The following RANBP2 variants were observed in gnomAD, a reference collection of about 807,000 sequenced individuals.
RANBP2 encodes the protein E3 SUMO-protein ligase RanBP2.
In RANBP2, 57 loss-of-function variants were observed where a neutral mutation model predicts 303.6. The ratio of observed to expected loss-of-function variants is 0.19; its 90% confidence interval spans 0.15 to 0.23. RANBP2 has a LOEUF of 0.23. Among genes scored for constraint, RANBP2 ranks in the 10% least tolerant of loss-of-function variants. The pLI is 1.00. For synonymous variants in RANBP2, 1,167 were observed against 1,301.5 expected (o/e 0.90, Z 2.23); for missense variants, 3,138 against 3,780.8 (o/e 0.83, Z 4.46).
chr2:108,895,487 T>A, the RANBP2 span: 23 of 152,400 alleles, frequency 1.5e-4, no homozygotes, highest in African/African-American at 5.3e-4. Context: ...TTATTAACTT[T>A]CTGCCTATAA....
the RANBP2 span, among the ~76,000 whole-genome samples, chr2:108,835,039 A>C: frequency 2.0e-5 from 3 of 152,360 alleles, no homozygotes; most frequent in East Asian, 5.8e-4. Context: ...TTGAGATTCA[A>C]ATAATGCTGC....
At chr2:109,083,567 G>A in the RANBP2 span, among the ~76,000 whole-genome samples, 6 of 151,926 alleles carry the variant, frequency 3.9e-5, no homozygotes, top group South Asian at 2.1e-4. Flanking sequence ...ATGCACACTC[G>A]GCTTGCTTCT....
At chr2:109,572,682 T>C in the RANBP2 span, among the ~76,000 whole-genome samples, 1 of 143,406 alleles carries the variant, frequency 7.0e-6, no homozygotes, top group African/African-American at 2.6e-5. Context: ...AGTGGTGCAA[T>C]CTCGGATTAC....
the RANBP2 span, among the ~76,000 whole-genome samples, chr2:109,342,043 T>C: frequency 6.6e-6 from 1 of 152,198 alleles, no homozygotes; most frequent in East Asian, 1.9e-4. Flanking sequence ...TATGGACGAA[T>C]GTGTTCATCT....
At chr2:109,059,077 G>A in the RANBP2 span, among the ~76,000 whole-genome samples, 25 of 152,164 alleles carry the variant, frequency 1.6e-4, no homozygotes, top group Middle Eastern at 3.4e-3. Context: ...TGCCACCTCC[G>A]GGCCTTATCG....
the RANBP2 span, among the ~76,000 whole-genome samples, chr2:109,050,849 G>C: frequency 1.3e-5 from 2 of 151,984 alleles, no homozygotes; most frequent in Admixed American, 6.6e-5. Context: ...CACTACAAAA[G>C]GGGACCACGT....
chr2:109,737,229 A>G, the RANBP2 span: 2 of 837,564 alleles, frequency 2.4e-6, no homozygotes, highest in Non-Finnish European at 4.0e-6. Flanking sequence ...TGCACAACCA[A>G]TCACGAAGAT....
chr2:109,206,490 C>CAAAAAAAAAA, the RANBP2 span, among the ~76,000 whole-genome samples: 11 of 40,756 alleles, frequency 2.7e-4, no homozygotes, highest in African/African-American at 8.9e-4. Context: ...GACTCCGTCT[C>CAAAAAAAAAA]AAAAAAAAAA....
the RANBP2 span, chr2:109,613,585 A>G: frequency 3.6e-6 from 1 of 274,440 alleles, no homozygotes; most frequent in Non-Finnish European, 6.7e-6. Flanking sequence ...CGCCCCGCGA[A>G]CCGGGGTCCG....
chr2:108,758,478 G>A lies in RANBP2; in HGVS notation c.2532G>A (p.Glu844=), dbSNP rs539119302. The A allele has an allele frequency of 1.9e-6, 3 of 1,611,414 alleles. No homozygotes were observed. Among genetic ancestry groups the A allele is most frequent in the Non-Finnish European group, 2.5e-6 (3 of 1,179,796 alleles). The change falls in exon 18 of 29, where the codon GAG becomes GAA. Residue 844 remains glutamate, a synonymous_variant. Coordinates refer to ENST00000283195, the MANE Select transcript of RANBP2 (RefSeq NM_006267.5). ...CATCCCCTCATCGTTGGCCCACAGA[G>A]AATTATGGACCAGACTCAGTGCCTG... is the stretch of plus-strand genomic sequence containing the variant. ...NSASPHRWPT[E]NYGPDSVPDG...
chr2:109,166,978 G>C, the RANBP2 span, among the ~76,000 whole-genome samples: 1 of 152,134 alleles, frequency 6.6e-6, no homozygotes, highest in African/African-American at 2.4e-5. Context: ...CATCCCCTTT[G>C]CCTCCAGCAA....
At chr2:109,559,177 C>A in the RANBP2 span, among the ~76,000 whole-genome samples, 2 of 152,182 alleles carry the variant, frequency 1.3e-5, no homozygotes, top group Admixed American at 1.3e-4. Flanking sequence ...TAAGCCACCA[C>A]GCCTGGCCAG....
At chr2:109,652,336 C>A in the RANBP2 span, among the ~76,000 whole-genome samples, 3 of 152,040 alleles carry the variant, frequency 2.0e-5, no homozygotes, top group African/African-American at 7.2e-5. Context: ...CATTCTCCTG[C>A]CTCAGCCTCC....
In RANBP2 at chr2:108,772,907, C is replaced by G; in HGVS notation, c.8153C>G (p.Pro2718Arg). 3 of 1,613,832 alleles carry G rather than the reference C, an allele frequency of 1.9e-6. No homozygotes were observed. The highest frequency in any genetic ancestry group is 2.5e-6 in the Non-Finnish European group (3 of 1,179,940). ...KECIIVWEKK[P>R]TVEEKAKADT... ...TGTATTATTGTTTGGGAAAAGAAAC[C>G]AACAGTTGAAGAGAAGGCAAAAGCA... The change falls in exon 23 of 29, where the codon CCA (proline) becomes CGA (arginine). Residue 2718 changes from proline to arginine, a missense_variant. Pro to Arg is a moderately radical substitution (Grantham distance 103). Around this residue, in one of 20 missense-constraint regions of RANBP2, gnomAD observed 497 missense variants for 465.8 expected, o/e 1.07. Coordinates refer to ENST00000283195, the MANE Select transcript of RANBP2 (RefSeq NM_006267.5).
chr2:108,890,075 G>C, the RANBP2 span, among the ~76,000 whole-genome samples: 1 of 151,278 alleles, frequency 6.6e-6, no homozygotes, highest in Non-Finnish European at 1.5e-5. Context: ...GGAAAGACTA[G>C]TTCTCTTTCA....
chr2:108,790,571 G>A (rs773913202), downstream of RANBP2, among the ~76,000 whole-genome samples: 14 of 151,828 alleles, frequency 9.2e-5, no homozygotes, highest in African/African-American at 3.4e-4. Context: ...GCATGGTGGC[G>A]GGTGCCTGTA....
chr2:109,238,880 T>C, the RANBP2 span, among the ~76,000 whole-genome samples: 1 of 152,152 alleles, frequency 6.6e-6, no homozygotes, highest in Non-Finnish European at 1.5e-5. Flanking sequence ...CAAGGGAGGA[T>C]ACAGCTCCAC....
At chr2:109,020,050 C>G in the RANBP2 span, among the ~76,000 whole-genome samples, 1 of 152,204 alleles carries the variant, frequency 6.6e-6, no homozygotes, top group Non-Finnish European at 1.5e-5. Flanking sequence ...TCTGTTTGAA[C>G]AGGTAACCAT....
intron 23 of RANBP2, among the ~76,000 whole-genome samples, chr2:108,773,623 C>T (rs1265853947): frequency 6.7e-6 from 1 of 149,992 alleles, no homozygotes; most frequent in Non-Finnish European, 1.5e-5. Context: ...TTTAACACAA[C>T]ACCAGTCAAA....
Sources: allele counts gnomAD v4.1 joint callset (sites outside exome capture counted in the v4.1 genomes callset), GRCh38; gene constraint gnomAD v4.1.1; regional missense constraint gnomAD v4.1.1; transcripts MANE v1.5; gene names NCBI Gene and HGNC (gene_info 2026-07-23, HGNC 2026-07-21).